MAPK8IP1: variants seen among roughly 807,000 people sequenced by gnomAD.
MAPK8IP1 encodes the protein C-Jun-amino-terminal kinase-interacting protein 1.
Under a neutral mutation model 72.6 loss-of-function variants are expected in MAPK8IP1, and 17 were observed. The observed-to-expected ratio is 0.23, with a 90% confidence interval of 0.16 to 0.35. The LOEUF (loss-of-function observed/expected upper bound fraction) is 0.35, where lower values mean the gene tolerates loss of function less well. Ranked by LOEUF, MAPK8IP1 falls within the 10% of genes least tolerant of loss-of-function variation. The probability of loss-of-function intolerance (pLI) is 1.00; values close to 1 mark genes in which losing one functional copy is unlikely to be tolerated. For synonymous variants in MAPK8IP1, 401 were observed against 443.4 expected (o/e 0.90, Z 1.20); for missense variants, 789 against 1,009.7 (o/e 0.78, Z 2.96).
chr11:45,896,944 A>G, intron 1 of MAPK8IP1: 1 of 1,572,978 alleles, frequency 6.4e-7, no homozygotes, highest in Non-Finnish European at 8.6e-7. Flanking sequence ...GATCAATGGG[A>G]GCGCTGGTAG....
intron 1 of MAPK8IP1, chr11:45,896,598 C>T (rs956634520): frequency 2.8e-5 from 37 of 1,314,000 alleles, no homozygotes; most frequent in South Asian, 6.5e-5. Context: ...GCGGCAGCAG[C>T]GCAAGGGCCA....
rs754302814 is a variant in MAPK8IP1 at position 45,902,410 on chromosome 11, G to A, written c.643G>A (p.Asp215Asn). The change falls in exon 5 of 12, where the codon GAT becomes AAT. Residue 215 changes from aspartate (D) to asparagine (N), a missense_variant. Asp to Asn is a conservative substitution (Grantham distance 23). Around this residue, in one of 4 missense-constraint regions of MAPK8IP1, gnomAD observed 377 missense variants for 411.7 expected, o/e 0.92. Transcript: ENST00000241014. The surrounding 1 kb of genome is among the most constrained non-coding windows in gnomAD (Gnocchi z 9.3). ...ACCGCATGAACACATCTGCCTGAGC[G>A]ATGAGCTGCCCCCCCAGAGCGGCCC... ...TPPHEHICLS[D>N]ELPPQSGPAP... is the part of the protein sequence containing the mutation. 4.4e-6 allele frequency: 7 copies of A among 1,580,892 alleles called. No individual in the cohort carries two copies. The highest frequency in any genetic ancestry group is 2.3e-5 in the East Asian group (1 of 43,258).
chr11:45,904,896 A>G lies in MAPK8IP1; in HGVS notation c.1893+62A>G. The G allele has an allele frequency of 6.2e-7, 1 of 1,603,556 alleles. No individual in the cohort carries two copies. Among genetic ancestry groups the G allele is most frequent in the Non-Finnish European group, 8.5e-7 (1 of 1,170,496 alleles). ...CCCAAGCTCTCCCCCAAGACTTGTG[A>G]TGAAGAGGCCATCTCCTGTCACCCT... is the stretch of plus-strand genomic sequence containing the variant. On this transcript the variant is annotated intron_variant, in intron 9 of 11. Coordinates refer to ENST00000241014, the MANE Select transcript of MAPK8IP1 (RefSeq NM_005456.4). The surrounding 1 kb of genome is among the most constrained non-coding windows in gnomAD (Gnocchi z 6.4).
rs1015914619 is a variant in MAPK8IP1 at position 45,900,305 on chromosome 11, G to A, written c.375G>A (p.Gly125=). 6.7e-6 allele frequency: 9 copies of A among 1,351,190 alleles called. No homozygotes were observed. Among genetic ancestry groups the A allele is most frequent in the East Asian group, 3.1e-5 (1 of 32,020 alleles). 83.7% of individuals were successfully genotyped at this position (1,351,190 alleles called of 1,614,324 possible). The change falls in exon 3 of 12, where the codon GGG becomes GGA. Residue 125 remains glycine, a synonymous_variant. Transcript: ENST00000241014. This position sits in a 1 kb window ranked among gnomAD's most constrained non-coding sequence, Gnocchi z 6.5. ...GCGCGGCCCGGCGGCCGGGAGCGGG[G>A]CCGCCCAAGGCCGAGTCCGGCCAGG... The part of the protein sequence containing the change: ...EERAARRPGA[G]PPKAESGQEP...
chr11:45,906,066 G>T lies in MAPK8IP1; in HGVS notation c.*345G>T. The T allele has an allele frequency of 2.1e-6, 1 of 471,726 alleles. No homozygotes were observed. Among genetic ancestry groups the T allele is most frequent in the South Asian group, 2.4e-5 (1 of 41,728 alleles). 29.2% of individuals were successfully genotyped at this position (471,726 alleles called of 1,614,324 possible). A position where few individuals can be genotyped will look rare whatever the true frequency, so the allele number is the denominator to read the frequency against. Reference sequence around the variant, plus strand: ...CCTTACCTCCCCTGCCAGGGCTCGGGCGCTGTGGCTCCTGCCTTGATGAAG... The same window carrying T: ...CCTTACCTCCCCTGCCAGGGCTCGGTCGCTGTGGCTCCTGCCTTGATGAAG... On this transcript the variant is annotated 3_prime_UTR_variant, in exon 12 of 12. Coordinates refer to ENST00000241014, the MANE Select transcript of MAPK8IP1 (RefSeq NM_005456.4).
Position 45,903,336 on chromosome 11 carries a change from C to G in MAPK8IP1, c.1418-29C>G. ...TAAACCTGGATCAGAGCTGCGACCC[C>G]CCATCCAGCCACACCACCTCACCTG... On this transcript the variant is annotated intron_variant, in intron 5 of 11. Transcript: ENST00000241014. The surrounding 1 kb of genome is among the most constrained non-coding windows in gnomAD (Gnocchi z 6.4). The G allele has an allele frequency of 6.2e-7, 1 of 1,611,150 alleles. No individual in the cohort carries two copies. The highest frequency in any genetic ancestry group is 1.1e-5 in the South Asian group (1 of 90,948).
At chr11:45,889,282 T>A (rs138481325) in intron 1 of MAPK8IP1, among the ~76,000 whole-genome samples, 2 of 152,218 alleles carry the variant, frequency 1.3e-5, no homozygotes, top group Non-Finnish European at 2.9e-5. Context: ...TTACAGCCTG[T>A]GCTGTTATGT....
chr11:45,904,226 G>A lies in MAPK8IP1; in HGVS notation c.1666+65G>A. 6.5e-7 allele frequency: 1 copy of A among 1,541,510 alleles called. No individual in the cohort carries two copies. Among genetic ancestry groups the A allele is most frequent in the Non-Finnish European group, 8.9e-7 (1 of 1,126,972 alleles). On this transcript the variant is annotated intron_variant, in intron 7 of 11. Coordinates refer to ENST00000241014, the MANE Select transcript of MAPK8IP1 (RefSeq NM_005456.4). This position sits in a 1 kb window ranked among gnomAD's most constrained non-coding sequence, Gnocchi z 6.4. The stretch of plus-strand genomic sequence containing the variant: ...TCTGTCTGCCCCAACTTGCTGCTAG[G>A]TGAACGTGTACTCCAGATCTCAGCC...
Position 45,903,230 on chromosome 11 carries a change from G to T in MAPK8IP1, c.1417+46G>T, listed in dbSNP as rs1201401411. 6.3e-7 allele frequency: 1 copy of T among 1,589,772 alleles called. No homozygotes were observed. The highest frequency in any genetic ancestry group is 1.7e-5 in the Admixed American group (1 of 59,522). ...AGTGGGGTGGGGGGGTCCCTAGCGGGGGCAGAGCCAAAATGCGAAGTGTTC... is the reference window on the plus strand; with the variant it reads ...AGTGGGGTGGGGGGGTCCCTAGCGGTGGCAGAGCCAAAATGCGAAGTGTTC... On this transcript the variant is annotated intron_variant, in intron 5 of 11. Transcript: ENST00000241014. This position sits in a 1 kb window ranked among gnomAD's most constrained non-coding sequence, Gnocchi z 6.4.
At chr11:45,899,665 A>T (rs554233883) in intron 2 of MAPK8IP1, among the ~76,000 whole-genome samples, 52 of 151,620 alleles carry the variant, frequency 3.4e-4, no homozygotes, top group Non-Finnish European at 6.9e-4. Flanking sequence ...TCTCCTTCCC[A>T]TCCCTCTCAG....
chr11:45,886,983 G>T (rs2086532352), intron 1 of MAPK8IP1, among the ~76,000 whole-genome samples: 1 of 152,132 alleles, frequency 6.6e-6, no homozygotes, highest in Admixed American at 6.5e-5. Flanking sequence ...ATCAAACTCA[G>T]AAACCTTCCC....
In MAPK8IP1 at chr11:45,900,350, GGGCCAGAGCCAA is replaced by G. The variant is rs1277133847; in HGVS notation, c.432_443del (p.Gln146_Gly149del). ...GCCAGGAGCCGGCGTCCCGCGGCCA[GGGCCAGAGCCAA>G]GGCCAGAGCCAGGGCCCGGGCAGCG... On this transcript the variant is annotated inframe_deletion, in exon 3 of 12. Coordinates refer to ENST00000241014, the MANE Select transcript of MAPK8IP1 (RefSeq NM_005456.4). The surrounding 1 kb of genome is among the most constrained non-coding windows in gnomAD (Gnocchi z 6.5). 2.6e-5 allele frequency: 38 copies of G among 1,482,968 alleles called. No individual in the cohort carries two copies. Among genetic ancestry groups the G allele is most frequent in the Non-Finnish European group, 3.0e-5 (34 of 1,123,612 alleles). 91.9% of individuals were successfully genotyped at this position (1,482,968 alleles called of 1,614,324 possible). A position where few individuals can be genotyped will look rare whatever the true frequency, so the allele number is the denominator to read the frequency against.
At position 45,900,499 on chromosome 11, in the gene MAPK8IP1, G is replaced by T; in HGVS notation, c.522+47G>T. 1 of 1,524,592 alleles carries T rather than the reference G, an allele frequency of 6.6e-7. No homozygotes were observed. The highest frequency in any genetic ancestry group is 1.4e-5 in the African/African-American group (1 of 72,096). 94.4% of individuals were successfully genotyped at this position (1,524,592 alleles called of 1,614,324 possible). The stretch of plus-strand genomic sequence containing the variant: ...CGGCGCCCTGGGCCGCCGCGGAGAT[G>T]TGAGGGGGAGCGCAGAGGGGCTGCA... On this transcript the variant is annotated intron_variant, in intron 3 of 11. Transcript: ENST00000241014. This position sits in a 1 kb window ranked among gnomAD's most constrained non-coding sequence, Gnocchi z 6.5.
At chr11:45,897,222 G>A (rs2086615709) in intron 1 of MAPK8IP1, among the ~76,000 whole-genome samples, 1 of 146,416 alleles carries the variant, frequency 6.8e-6, no homozygotes. Flanking sequence ...CAGCAAGCCA[G>A]GCAGAGTGCC....
intron 1 of MAPK8IP1, 74 bp downstream of exon 1, chr11:45,885,995 C>T (rs985007277): frequency 4.8e-5 from 43 of 891,408 alleles, no homozygotes; most frequent in Non-Finnish European, 5.9e-5. Context: ...TGCCCGCCCC[C>T]CACCCCAGAA....
intron 2 of MAPK8IP1, among the ~76,000 whole-genome samples, chr11:45,899,799 G>T (rs1001266764): frequency 9.9e-5 from 15 of 152,172 alleles, no homozygotes; most frequent in Non-Finnish European, 1.6e-4. Context: ...GGCGACCACT[G>T]AGTCCCCATA....
chr11:45,902,453 G>C lies in MAPK8IP1; in HGVS notation c.686G>C (p.Arg229Pro). 6.3e-7 allele frequency: 1 copy of C among 1,599,084 alleles called. No homozygotes were observed. ...PQSGPAPTTD[R>P]GTSTDSPCRR... ...AGCGGCCCCGCCCCCACCACAGATC[G>C]AGGCACCTCCACCGACAGCCCTTGC... The change falls in exon 5 of 12, where the codon CGA becomes CCA. Residue 229 changes from arginine to proline, a missense_variant. By Grantham distance (103) the Arg-to-Pro change is moderately radical (BLOSUM62 -2). Coordinates refer to ENST00000241014, the MANE Select transcript of MAPK8IP1 (RefSeq NM_005456.4). This position sits in a 1 kb window ranked among gnomAD's most constrained non-coding sequence, Gnocchi z 9.3.
In MAPK8IP1 at chr11:45,900,124, C is replaced by G; in HGVS notation, c.208-14C>G. ...CCGGCCCCGCCCCCTGACGCCCCTC[C>G]GTGCGCTGTGCAGCCCCCGCGCGCC... is the stretch of plus-strand genomic sequence containing the variant. On this transcript the variant is annotated splice_polypyrimidine_tract_variant and intron_variant, in intron 2 of 11. Coordinates refer to ENST00000241014, the MANE Select transcript of MAPK8IP1 (RefSeq NM_005456.4). This position sits in a 1 kb window ranked among gnomAD's most constrained non-coding sequence, Gnocchi z 6.5. 8.1e-7 allele frequency: 1 copy of G among 1,233,584 alleles called. No individual in the cohort carries two copies. Among genetic ancestry groups the G allele is most frequent in the Non-Finnish European group, 1.0e-6 (1 of 990,202 alleles). The allele number at this position is 1,233,584 out of a possible 1,614,324, so 76.4% of individuals were successfully genotyped here. A position where few individuals can be genotyped will look rare whatever the true frequency, so the allele number is the denominator to read the frequency against.
rs941072998 is a variant in MAPK8IP1, at chr11:45,904,975, A to G, written c.1898A>G (p.Asn633Ser). 6.2e-7 allele frequency: 1 copy of G among 1,613,960 alleles called. No homozygotes were observed. Among genetic ancestry groups the G allele is most frequent in the Admixed American group, 1.7e-5 (1 of 60,026 alleles). ...CTTCTTTTCTCCCTCCTGTAGGGGA[A>G]TAAATGTAGCCACTTTTTCCAGTTA... ...KADDSQEAKG[N>S]KCSHFFQLKN... Residue 633 changes from asparagine to serine, a missense_variant, in exon 10 of 12, where the codon AAT (asparagine) becomes AGT (serine). Coordinates refer to ENST00000241014, the MANE Select transcript of MAPK8IP1 (RefSeq NM_005456.4). This position sits in a 1 kb window ranked among gnomAD's most constrained non-coding sequence, Gnocchi z 6.4.
Sources: allele counts gnomAD v4.1 joint callset (sites outside exome capture counted in the v4.1 genomes callset), GRCh38; gene constraint gnomAD v4.1.1; regional missense constraint gnomAD v4.1.1; non-coding constraint Gnocchi (gnomAD v3.1); transcripts MANE v1.5; gene names NCBI Gene and HGNC (gene_info 2026-07-23, HGNC 2026-07-21).